Variants in LIN9 observed in about 807,000 individuals in gnomAD.
The protein encoded by LIN9 is protein lin-9 homolog.
A neutral mutation model predicts 78.0 loss-of-function variants in LIN9; 18 were observed. The ratio of observed to expected loss-of-function variants is 0.23; its 90% CI spans 0.16 to 0.34. The LOEUF (loss-of-function observed/expected upper bound fraction) is 0.34, where lower values mean the gene tolerates loss of function less well. Among genes scored for constraint, LIN9 ranks in the 10% least tolerant of loss-of-function variants. The pLI is 1.00. For missense variants in LIN9, 451 were observed against 644.1 expected (o/e 0.70, Z 3.25); for synonymous variants, 192 against 215.2 (o/e 0.89, Z 0.94).
intron 10 of LIN9, among the ~76,000 whole-genome samples, chr1:226,262,203 A>G (rs1396316914): frequency 2.6e-5 from 4 of 152,250 alleles, no homozygotes; most frequent in African/African-American, 9.6e-5. Context: ...AAAAATCTAG[A>G]TGACTTTGGT....
chr1:226,240,185 T>G (rs761363517), intron 11 of LIN9, among the ~76,000 whole-genome samples: 1 of 152,186 alleles, frequency 6.6e-6, no homozygotes, highest in Non-Finnish European at 1.5e-5. Context: ...GCTGATTACT[T>G]AATGATGACA....
In LIN9 at chr1:226,237,632, CAAAAAAA is replaced by C. The variant is rs1167453006; in HGVS notation, c.1245+1332_1245+1338del. On this transcript the variant is annotated intron_variant, in intron 12 of 14. Transcript: ENST00000681046. ...GGGCAACAAGGGCGAAACTCTGTCTCAAAAAAAAAAAAAAAAAAAAAATCTGGTATCA... is the reference window on the plus strand; with the variant it reads ...GGGCAACAAGGGCGAAACTCTGTCTCAAAAAAAAAAAAAAATCTGGTATCA... Among the ~76,000 whole-genome samples the C allele has an allele frequency of 7.0e-5, 4 of 57,446 alleles. No homozygotes were observed. In the East Asian group the frequency reaches 2.1e-3, roughly 31 times the overall value. 37.7% of individuals were successfully genotyped at this position (57,446 alleles called of 152,430 possible). A position where few individuals can be genotyped will look rare whatever the true frequency, so the allele number is the denominator to read the frequency against.
chr1:226,282,314 TC>T (rs1661118330), intron 6 of LIN9, among the ~76,000 whole-genome samples: 1 of 152,240 alleles, frequency 6.6e-6, no homozygotes, highest in African/African-American at 2.4e-5. Context: ...ACATGTAATT[TC>T]ATCTGTGTGC....
chr1:226,305,035 T>A (rs1433289653), intron 1 of LIN9, among the ~76,000 whole-genome samples: 2 of 151,772 alleles, frequency 1.3e-5, no homozygotes, highest in African/African-American at 4.8e-5. Flanking sequence ...CCGGGCTTGG[T>A]GGCACACATC....
At chr1:226,280,500 G>A (rs867957010) in intron 6 of LIN9, among the ~76,000 whole-genome samples, 4 of 152,128 alleles carry the variant, frequency 2.6e-5, no homozygotes, top group Non-Finnish European at 5.9e-5. Flanking sequence ...ACTTGCGGCC[G>A]GGCGCAGTGG....
chr1:226,279,325 G>T (rs1169347649), intron 6 of LIN9, among the ~76,000 whole-genome samples: 1 of 151,080 alleles, frequency 6.6e-6, no homozygotes, highest in Non-Finnish European at 1.5e-5. Context: ...AAATTAGCTA[G>T]GCATAATGGT....
intron 7 of LIN9, among the ~76,000 whole-genome samples, chr1:226,271,226 A>G (rs1192680338): frequency 4.6e-5 from 7 of 152,220 alleles, no homozygotes; most frequent in Admixed American, 4.6e-4. Context: ...TACGCAGTGC[A>G]TCTGTCAAAA....
At chr1:226,268,693 T>C (rs1660082874) in intron 7 of LIN9, among the ~76,000 whole-genome samples, 1 of 152,218 alleles carries the variant, frequency 6.6e-6, no homozygotes. Context: ...AAAAGATGCC[T>C]ACATACTCAG....
chr1:226,289,843 GGGT>G (rs1490231776), intron 4 of LIN9, among the ~76,000 whole-genome samples: 1 of 61,496 alleles, frequency 1.6e-5, no homozygotes. Context: ...CCGGGGGGGG[GGGT>G]GGGGGGGGGT....
chr1:226,292,516 G>T (rs886644847), intron 4 of LIN9, among the ~76,000 whole-genome samples: 2 of 152,132 alleles, frequency 1.3e-5, no homozygotes, highest in African/African-American at 2.4e-5. Context: ...GACTGTAGTG[G>T]TCTGATCATA....
At position 226,231,691 on chromosome 1, in the gene LIN9, A is replaced by G. The variant is rs1009338840; in HGVS notation, c.*810T>C. ...AATCTGGTTTAAAAGTTGTGCAAAT[A>G]AACAAAAAAATATGAAAATAGTGTG... On this transcript the variant is annotated 3_prime_UTR_variant, in exon 15 of 15. Coordinates refer to ENST00000681046, the MANE Select transcript of LIN9 (RefSeq NM_001366245.2). 2 of 152,922 alleles carry G rather than the reference A, an allele frequency of 1.3e-5. No individual in the cohort carries two copies. The highest frequency in any genetic ancestry group is 4.8e-5 in the African/African-American group (2 of 41,464). 9.5% of individuals were successfully genotyped at this position (152,922 alleles called of 1,614,324 possible). A position where few individuals can be genotyped will look rare whatever the true frequency, so the allele number is the denominator to read the frequency against.
chr1:226,239,952 G>C (rs1044949637), intron 11 of LIN9, among the ~76,000 whole-genome samples: 2 of 152,192 alleles, frequency 1.3e-5, no homozygotes, highest in African/African-American at 4.8e-5. Context: ...ACGTTGTTAT[G>C]CACTAAGGAA....
intron 4 of LIN9, among the ~76,000 whole-genome samples, chr1:226,290,350 CT>C (rs1186556520): frequency 1.0e-4 from 10 of 97,948 alleles, no homozygotes; most frequent in Admixed American, 8.5e-4. Context: ...TTTTTTTTTT[CT>C]TTTTTTTGAG....
intron 12 of LIN9, among the ~76,000 whole-genome samples, chr1:226,233,849 G>A (rs374806051): frequency 9.2e-5 from 14 of 152,020 alleles, no homozygotes; most frequent in African/African-American, 3.1e-4. Flanking sequence ...AATTCTTCCC[G>A]TTACTAATTT....
In LIN9 at chr1:226,265,817, T is replaced by G. The variant is rs1311478419; in HGVS notation, c.937-183A>C. Among the ~76,000 whole-genome samples, 1 of 152,056 alleles carries G rather than the reference T, an allele frequency of 6.6e-6. No homozygotes were observed. Among genetic ancestry groups the G allele is most frequent in the Non-Finnish European group, 1.5e-5 (1 of 68,022 alleles). On this transcript the variant is annotated intron_variant, in intron 9 of 14. Coordinates refer to ENST00000681046, the MANE Select transcript of LIN9 (RefSeq NM_001366245.2). The surrounding 1 kb of genome is among the most constrained non-coding windows in gnomAD (Gnocchi z 4.1). Reference sequence around the variant, plus strand: ...CCTCAGCCTCCCGAGCAGCTGGGATTACAGGCGCGCGCCACCACGCCCAGC... The same window carrying G: ...CCTCAGCCTCCCGAGCAGCTGGGATGACAGGCGCGCGCCACCACGCCCAGC...
Position 226,233,109 on chromosome 1 carries a change from C to T in LIN9, c.1510G>A (p.Ala504Thr), listed in dbSNP as rs768080554. ...CTAACGAATTACCTGATATTAGAAG[C>T]GTCTATTGTACTCTTGATATCATTT... Reference protein sequence around the residue: ...SLNDIKSTIDASNISCFQNNV... With the variant: ...SLNDIKSTIDTSNISCFQNNV... Residue 504 changes from alanine (A) to threonine (T), a missense_variant, in exon 14 of 15, where the codon GCT (alanine) becomes ACT (threonine). Physicochemically the swap from Ala to Thr is moderately conservative, Grantham distance 58. Transcript: ENST00000681046. 7.0e-6 allele frequency: 11 copies of T among 1,577,216 alleles called. No homozygotes were observed. In the Admixed American group the frequency reaches 7.4e-5, roughly 11 times the overall value.
chr1:226,309,418 GCCGGAGCGCGGGGGGAGCAGTACCAGCT>G (rs1050692678), upstream of LIN9: 5 of 996,430 alleles, frequency 5.0e-6, no homozygotes, highest in Non-Finnish European at 6.0e-6. Context: ...GAGGCCCGGC[GCCGGAGCGCGGGGGGAGCAGTACCAGCT>G]CCGGAGTCCC....
rs763618456 is a variant in LIN9, at chr1:226,295,822, A to G, written c.264+20T>C. ...TGCTTACTTCCTTTCCAATGAAACA[A>G]AATTTTAGCACACACATACCTGTGG... is the stretch of plus-strand genomic sequence containing the variant. On this transcript the variant is annotated intron_variant, in intron 4 of 14. Transcript: ENST00000681046. The G allele has an allele frequency of 2.0e-5, 31 of 1,519,972 alleles. No homozygotes were observed. In the East Asian group the frequency reaches 4.8e-4, roughly 24 times the overall value. 94.2% of individuals were successfully genotyped at this position (1,519,972 alleles called of 1,614,324 possible).
chr1:226,272,967 C>A (rs964010690), intron 7 of LIN9, among the ~76,000 whole-genome samples: 1 of 152,070 alleles, frequency 6.6e-6, no homozygotes. Flanking sequence ...ACATCATCAC[C>A]CCCACGACCT....
Sources: allele counts gnomAD v4.1 joint callset (sites outside exome capture counted in the v4.1 genomes callset), GRCh38; gene constraint gnomAD v4.1.1; non-coding constraint Gnocchi (gnomAD v3.1); transcripts MANE v1.5; gene names NCBI Gene and HGNC (gene_info 2026-07-23, HGNC 2026-07-21).